The following MMP16 variants were observed in gnomAD, a reference collection of about 807,000 sequenced individuals.
MMP16 encodes matrix metalloproteinase-16.
Under a neutral mutation model 67.8 loss-of-function variants are expected in MMP16, and 12 were observed. The ratio of observed to expected loss-of-function variants is 0.18; its 90% CI spans 0.11 to 0.29. MMP16 has a LOEUF of 0.29. Ranked by LOEUF, MMP16 falls within the 10% of genes least tolerant of loss-of-function variation. The probability of loss-of-function intolerance (pLI) is 1.00; values close to 1 mark genes in which losing one functional copy is unlikely to be tolerated. For synonymous variants in MMP16, 249 were observed against 255.9 expected, an observed-to-expected ratio of 0.97 and a Z score of 0.26; for missense variants, 475 against 765.7, an observed-to-expected ratio of 0.62 and a Z score of 4.48.
chr8:88,075,295 A>C (rs1808628906), intron 6 of MMP16, among the ~76,000 whole-genome samples: 1 of 152,180 alleles, frequency 6.6e-6, no homozygotes, highest in Non-Finnish European at 1.5e-5. Flanking sequence ...ATTTTGAAAA[A>C]AATAAATCAT....
intron 1 of MMP16, among the ~76,000 whole-genome samples, chr8:88,213,001 G>T (rs1809534525): frequency 1.3e-5 from 2 of 152,088 alleles, no homozygotes; most frequent in South Asian, 4.1e-4. Context: ...TAATTTTAAA[G>T]GATTTAGTAA....
At chr8:88,300,001 T>C (rs1268534584) in intron 1 of MMP16, among the ~76,000 whole-genome samples, 1 of 152,200 alleles carries the variant, frequency 6.6e-6, no homozygotes, top group African/African-American at 2.4e-5. Flanking sequence ...ATATTTCTTT[T>C]CTATAAAAGT....
At chr8:88,309,471 G>C (rs1811263167) in intron 1 of MMP16, among the ~76,000 whole-genome samples, 3 of 151,748 alleles carry the variant, frequency 2.0e-5, no homozygotes, top group Admixed American at 1.3e-4. Flanking sequence ...TGTGTGTCTA[G>C]AAAATTTCTG....
intron 3 of MMP16, among the ~76,000 whole-genome samples, chr8:88,181,580 A>G (rs1282499609): frequency 1.3e-5 from 2 of 151,210 alleles, no homozygotes; most frequent in African/African-American, 4.8e-5. Context: ...TATATATTTA[A>G]TATATAATAT....
intron 1 of MMP16, among the ~76,000 whole-genome samples, chr8:88,237,615 C>T (rs1339976743): frequency 6.6e-6 from 1 of 151,970 alleles, no homozygotes; most frequent in Admixed American, 6.6e-5. Context: ...CGCCACAGCA[C>T]TCCAGCCTGG....
chr8:88,308,322 C>T (rs1288888118), intron 1 of MMP16, among the ~76,000 whole-genome samples: 1 of 152,056 alleles, frequency 6.6e-6, no homozygotes, highest in Non-Finnish European at 1.5e-5. Flanking sequence ...ACGTAGGAGG[C>T]ATCACATGTG....
At chr8:88,322,145 G>A (rs2130230365) in intron 1 of MMP16, among the ~76,000 whole-genome samples, 1 of 152,140 alleles carries the variant, frequency 6.6e-6, no homozygotes, top group South Asian at 2.1e-4. Flanking sequence ...GGAAGCACTT[G>A]GGGTTTGATC....
intron 1 of MMP16, among the ~76,000 whole-genome samples, chr8:88,251,306 T>C: frequency 6.6e-6 from 1 of 151,574 alleles, no homozygotes; most frequent in South Asian, 2.1e-4. Flanking sequence ...TATAGATCAA[T>C]GGAACAGAAC....
intron 1 of MMP16, among the ~76,000 whole-genome samples, chr8:88,240,023 A>G (rs922807209): frequency 1.4e-4 from 21 of 152,222 alleles, no homozygotes; most frequent in African/African-American, 4.8e-4. Flanking sequence ...TCAGAGGCCA[A>G]CATAAGACCC....
At chr8:88,100,728 G>A (rs964919112) in intron 6 of MMP16, among the ~76,000 whole-genome samples, 61 of 151,918 alleles carry the variant, frequency 4.0e-4, no homozygotes, top group Admixed American at 3.3e-3. Flanking sequence ...GAACCAACCC[G>A]AATGTCCATC....
chr8:88,135,442 A>G (rs961045750), intron 4 of MMP16, among the ~76,000 whole-genome samples: 29 of 151,820 alleles, frequency 1.9e-4, no homozygotes, highest in African/African-American at 6.8e-4. Flanking sequence ...CTAAGACAGA[A>G]GTATGTACAG....
intron 3 of MMP16, among the ~76,000 whole-genome samples, chr8:88,180,069 G>T (rs1184411855): frequency 6.6e-6 from 1 of 152,098 alleles, no homozygotes; most frequent in Non-Finnish European, 1.5e-5. Context: ...ATCACCTGAG[G>T]TTGGGAGTTC....
At chr8:88,072,080 G>A (rs1808566300) in intron 7 of MMP16, among the ~76,000 whole-genome samples, 1 of 152,092 alleles carries the variant, frequency 6.6e-6, no homozygotes, top group South Asian at 2.1e-4. Context: ...GCAGGGAAGG[G>A]GATCAGCTGT....
intron 1 of MMP16, among the ~76,000 whole-genome samples, chr8:88,278,577 G>A (rs1477385300): frequency 2.6e-5 from 4 of 152,210 alleles, no homozygotes; most frequent in Admixed American, 2.0e-4. Context: ...AGACATGGAA[G>A]TGAAACTCTT....
At chr8:88,159,865 C>T (rs978179811) in intron 4 of MMP16, among the ~76,000 whole-genome samples, 3 of 151,766 alleles carry the variant, frequency 2.0e-5, no homozygotes, top group Admixed American at 6.6e-5. Flanking sequence ...TTGTCAAAGG[C>T]CTTTTCTGCA....
rs1808106017 is a variant in MMP16, at chr8:88,039,693, T to C, written c.*1768A>G. ...TCACACAAAGCCAATGTCTGACTCATGGGGTGCATTCATTCTGACCATCTC... is the reference window on the plus strand; with the variant it reads ...TCACACAAAGCCAATGTCTGACTCACGGGGTGCATTCATTCTGACCATCTC... On this transcript the variant is annotated 3_prime_UTR_variant, in exon 10 of 10. Coordinates refer to ENST00000286614, the MANE Select transcript of MMP16 (RefSeq NM_005941.5). The surrounding 1 kb of genome is among the most constrained non-coding windows in gnomAD (Gnocchi z 4.5). 1.3e-5 allele frequency: 2 copies of C among 152,616 alleles called. No homozygotes were observed. The highest frequency in any genetic ancestry group is 1.3e-4 in the Admixed American group (2 of 15,264). 9.5% of individuals were successfully genotyped at this position (152,616 alleles called of 1,614,324 possible).
chr8:88,125,332 A>G (rs1807909264), intron 4 of MMP16, among the ~76,000 whole-genome samples: 1 of 151,896 alleles, frequency 6.6e-6, no homozygotes, highest in South Asian at 2.1e-4. Flanking sequence ...GGAATGTTAG[A>G]ATTATCTGTT....
intron 7 of MMP16, 137 bp from the exon 8 acceptor site, chr8:88,056,415 T>G (rs948511630): frequency 8.5e-5 from 24 of 283,132 alleles, no homozygotes; most frequent in African/African-American, 5.0e-4. Context: ...TATTAAATAC[T>G]TGAAATAAGT....
chr8:88,304,152 T>G (rs1438958760), intron 1 of MMP16, among the ~76,000 whole-genome samples: 1 of 152,002 alleles, frequency 6.6e-6, no homozygotes, highest in Non-Finnish European at 1.5e-5. Flanking sequence ...CACAATGCAA[T>G]CACAAGTATC....
Sources: allele counts gnomAD v4.1 joint callset (sites outside exome capture counted in the v4.1 genomes callset), GRCh38; gene constraint gnomAD v4.1.1; non-coding constraint Gnocchi (gnomAD v3.1); transcripts MANE v1.5; gene names NCBI Gene and HGNC (gene_info 2026-07-23, HGNC 2026-07-21).